EFR3B: variants seen among roughly 807,000 people sequenced by gnomAD.
EFR3B encodes the protein protein EFR3 homolog B.
EFR3B carries 64 observed loss-of-function variants against 104.7 expected under a neutral mutation model. The ratio of observed to expected loss-of-function variants is 0.61; its 90% CI spans 0.50 to 0.75. The LOEUF (loss-of-function observed/expected upper bound fraction) is 0.75, where lower values mean the gene tolerates loss of function less well. Among genes scored for constraint, EFR3B ranks in the 30% least tolerant of loss-of-function variants. The pLI, the probability that EFR3B is intolerant of heterozygous loss-of-function variation, is 0.00. For synonymous variants in EFR3B, 385 were observed against 417.9 expected, an observed-to-expected ratio of 0.92 and a Z score of 0.96; for missense variants, 750 against 1,078.5, an observed-to-expected ratio of 0.70 and a Z score of 4.27.
chr2:25,144,552 A>C (rs28493370), intron 18 of EFR3B, among the ~76,000 whole-genome samples: 2 of 152,238 alleles, frequency 1.3e-5, no homozygotes, highest in East Asian at 1.9e-4. Context: ...TAAAAAAAAA[A>C]CAAAAAAACA....
chr2:25,072,976 T>C (rs1354617069), intron 1 of EFR3B, among the ~76,000 whole-genome samples: 2 of 152,232 alleles, frequency 1.3e-5, no homozygotes, highest in African/African-American at 4.8e-5. Flanking sequence ...GTCTGCACAC[T>C]CTTTCCAGCA....
At chr2:25,146,526 T>G (rs917963312) in intron 19 of EFR3B, 2 of 152,170 alleles carry the variant, frequency 1.3e-5, no homozygotes. Context: ...TCGGGGTGAG[T>G]TGGCTGCTCT....
intron 1 of EFR3B, among the ~76,000 whole-genome samples, chr2:25,059,113 GA>G (rs1208605145): frequency 9.0e-5 from 13 of 144,960 alleles, no homozygotes; most frequent in East Asian, 2.2e-4. Flanking sequence ...ATTCAGTGTT[GA>G]TTTTTTTTTT....
Position 25,158,916 on chromosome 2 carries a change from G to A in EFR3B, c.*4576G>A, listed in dbSNP as rs745623479. 1 of 152,210 alleles carries A rather than the reference G, an allele frequency of 6.6e-6. No homozygotes were observed. The highest frequency in any genetic ancestry group is 1.5e-5 in the Non-Finnish European group (1 of 68,054). 9.4% of individuals were successfully genotyped at this position (152,210 alleles called of 1,614,324 possible). A position where few individuals can be genotyped will look rare whatever the true frequency, so the allele number is the denominator to read the frequency against. On this transcript the variant is annotated 3_prime_UTR_variant, in exon 23 of 23. Transcript: ENST00000403714. Reference sequence around the variant, plus strand: ...TGACAATATGTGTATATAATAGCTGGTGTATTTATATGTGAGTGCAGAATT... The same window carrying A: ...TGACAATATGTGTATATAATAGCTGATGTATTTATATGTGAGTGCAGAATT...
rs1392970077 is a variant in EFR3B, at chr2:25,131,794, C to T, written c.1030C>T (p.Arg344Trp). The T allele has an allele frequency of 2.6e-6, 4 of 1,545,762 alleles. No homozygotes were observed. Among genetic ancestry groups the T allele is most frequent in the Non-Finnish European group, 3.5e-6 (4 of 1,144,596 alleles). ...GTTCAACACGCTGCTGAGGCAGCTG[C>T]GGCTCAGCATCGACTACGCGCTGAC... Reference protein sequence around the residue: ...EMFNTLLRQLRLSIDYALTGS... With the variant: ...EMFNTLLRQLWLSIDYALTGS... Residue 344 changes from arginine to tryptophan, a missense_variant, in exon 10 of 23, where the codon CGG becomes TGG. Transcript: ENST00000403714. The surrounding 1 kb of genome is among the most constrained non-coding windows in gnomAD (Gnocchi z 7.6).
chr2:25,154,265 T>C lies in EFR3B; in HGVS notation c.2379T>C (p.Thr793=), dbSNP rs1198772244. 12 of 1,551,786 alleles carry C rather than the reference T, an allele frequency of 7.7e-6. No individual in the cohort carries two copies. Among genetic ancestry groups the C allele is most frequent in the Admixed American group, 5.9e-5 (3 of 50,986 alleles). ...CACCAAGCCCATCAGGAACCATCAC[T>C]GCAGCCTACGGTCAGCCGCAGAACC... ...RPPPSPSGTI[T]AAYGQPQNHS... Residue 793 remains threonine, a synonymous_variant, in exon 23 of 23, where the codon ACT becomes ACC. Transcript: ENST00000403714. This position sits in a 1 kb window ranked among gnomAD's most constrained non-coding sequence, Gnocchi z 4.1.
chr2:25,139,797 T>A (rs1670614150), intron 16 of EFR3B, among the ~76,000 whole-genome samples: 1 of 152,212 alleles, frequency 6.6e-6, no homozygotes, highest in South Asian at 2.1e-4. Flanking sequence ...ATCCTGTCCT[T>A]TCACTCTATG....
chr2:25,070,584 T>G (rs566799329), intron 1 of EFR3B, among the ~76,000 whole-genome samples: 26 of 152,270 alleles, frequency 1.7e-4, no homozygotes, highest in Non-Finnish European at 3.5e-4. Flanking sequence ...ATTTTAAAAT[T>G]CAAATCTGGA....
chr2:25,149,660 G>T (rs1670947545), intron 19 of EFR3B, 34 bp from the exon 20 acceptor site: 1 of 1,549,964 alleles, frequency 6.5e-7, no homozygotes, highest in Non-Finnish European at 8.7e-7. Context: ...TCTGCCCCCT[G>T]CCTTTCTGAG....
rs944686095 is a variant in EFR3B, at chr2:25,114,586, T to G, written c.364-7087T>G. 6.6e-6 allele frequency among the ~76,000 whole-genome samples: 1 copy of G among 152,120 alleles called. No individual in the cohort carries two copies. The highest frequency in any genetic ancestry group is 2.4e-5 in the African/African-American group (1 of 41,458). ...CCCGAGCCTCAAGTCTGCAACCTCCTAGGCAGTCCTGGGCCCCAGAGGGCA... is the reference window on the plus strand; with the variant it reads ...CCCGAGCCTCAAGTCTGCAACCTCCGAGGCAGTCCTGGGCCCCAGAGGGCA... On this transcript the variant is annotated intron_variant, in intron 4 of 22. Coordinates refer to ENST00000403714, the MANE Select transcript of EFR3B (RefSeq NM_014971.2). This position sits in a 1 kb window ranked among gnomAD's most constrained non-coding sequence, Gnocchi z 4.0.
rs1360447735 is a variant in EFR3B, at chr2:25,139,040, C to T, written c.1723-19C>T. 6.4e-7 allele frequency: 1 copy of T among 1,551,474 alleles called. No individual in the cohort carries two copies. The highest frequency in any genetic ancestry group is 8.7e-7 in the Non-Finnish European group (1 of 1,146,870). Reference sequence around the variant, plus strand: ...TCTGTCAGTGAAAAACTCCGGAGGCCTTGTCTATGTTGCCGCAGGACGTGG... The same window carrying T: ...TCTGTCAGTGAAAAACTCCGGAGGCTTTGTCTATGTTGCCGCAGGACGTGG... On this transcript the variant is annotated intron_variant, in intron 15 of 22. Coordinates refer to ENST00000403714, the MANE Select transcript of EFR3B (RefSeq NM_014971.2).
rs1361551325 is a variant in EFR3B, at chr2:25,121,705, C to T, written c.396C>T (p.Thr132=). ...FVKFANIEED[T]PSYHRSYDFF... Reference sequence around the variant, plus strand: ...AGTTTGCCAACATCGAGGAGGACACCCCGTCCTATCACCGGAGCTATGACT... The same window carrying T: ...AGTTTGCCAACATCGAGGAGGACACTCCGTCCTATCACCGGAGCTATGACT... Residue 132 remains threonine, a synonymous_variant, in exon 5 of 23, where the codon ACC becomes ACT. Coordinates refer to ENST00000403714, the MANE Select transcript of EFR3B (RefSeq NM_014971.2). The T allele has an allele frequency of 1.3e-6, 2 of 1,551,652 alleles. No individual in the cohort carries two copies. Among genetic ancestry groups the T allele is most frequent in the South Asian group, 2.4e-5 (2 of 84,054 alleles).
chr2:25,148,242 G>A (rs991146046), intron 19 of EFR3B, among the ~76,000 whole-genome samples: 42 of 151,160 alleles, frequency 2.8e-4, no homozygotes, highest in Non-Finnish European at 4.0e-4. Flanking sequence ...AGCCGGGGAG[G>A]GCCGGTCACT....
At chr2:25,113,458 G>A (rs986669480) in intron 4 of EFR3B, among the ~76,000 whole-genome samples, 5 of 152,084 alleles carry the variant, frequency 3.3e-5, no homozygotes, top group Non-Finnish European at 5.9e-5. Context: ...CTTGTGGTCA[G>A]CAGATCGAGA....
rs114006823 is a variant in EFR3B, at chr2:25,123,020, G to C, written c.485+1226G>C. ...ATACTCCAATTTATAAAAACACTTA[G>C]CTCACAGAAGCATACTTGGACATAG... On this transcript the variant is annotated intron_variant, in intron 5 of 22. Transcript: ENST00000403714. Among the ~76,000 whole-genome samples, 1,066 of 152,198 alleles carry C rather than the reference G, an allele frequency of 7.0e-3. 18 individuals carry two copies. Among genetic ancestry groups the C allele is most frequent in the African/African-American group, 0.025 (1,030 of 41,524 alleles).
chr2:25,057,417 A>C (rs1036505872), intron 1 of EFR3B, among the ~76,000 whole-genome samples: 1 of 152,114 alleles, frequency 6.6e-6, no homozygotes, highest in Non-Finnish European at 1.5e-5. Flanking sequence ...GCTAACAAAA[A>C]AAAAAACAAA....
chr2:25,093,227 G>A (rs1441369634), intron 3 of EFR3B, 97 bp downstream of exon 3: 2 of 1,450,414 alleles, frequency 1.4e-6, no homozygotes, highest in South Asian at 1.4e-5. Context: ...AGGCAGAGTG[G>A]CTCACGCCTG....
At position 25,154,412 on chromosome 2, in the gene EFR3B, A is replaced by G; in HGVS notation, c.*72A>G. 2 of 1,333,030 alleles carry G rather than the reference A, an allele frequency of 1.5e-6. No individual in the cohort carries two copies. The highest frequency in any genetic ancestry group is 1.5e-5 in the African/African-American group (1 of 68,146). The allele number at this position is 1,333,030 out of a possible 1,614,324, so 82.6% of individuals were successfully genotyped here. A position where few individuals can be genotyped will look rare whatever the true frequency, so the allele number is the denominator to read the frequency against. On this transcript the variant is annotated 3_prime_UTR_variant, in exon 23 of 23. Coordinates refer to ENST00000403714, the MANE Select transcript of EFR3B (RefSeq NM_014971.2). The surrounding 1 kb of genome is among the most constrained non-coding windows in gnomAD (Gnocchi z 4.1). The stretch of plus-strand genomic sequence containing the variant: ...CTCACCTCACGCCCACCCCGACCAC[A>G]TGGAGATCTGGCTGTGATCTCTGAG...
rs565617171 is a variant in EFR3B, at chr2:25,114,327, G to A, written c.364-7346G>A. On this transcript the variant is annotated intron_variant, in intron 4 of 22. Coordinates refer to ENST00000403714, the MANE Select transcript of EFR3B (RefSeq NM_014971.2). This position sits in a 1 kb window ranked among gnomAD's most constrained non-coding sequence, Gnocchi z 4.0. ...GACCTAGCTGGGCTGCTGCGACTGC[G>A]CTTTCATACTTCCAGCCTCAGGGAA... Among the ~76,000 whole-genome samples, 201 of 152,238 alleles carry A rather than the reference G, an allele frequency of 1.3e-3. 4 individuals are homozygous for A. The Middle Eastern group carries it at 0.058, about 44-fold the overall frequency.
Sources: allele counts gnomAD v4.1 joint callset (sites outside exome capture counted in the v4.1 genomes callset), GRCh38; gene constraint gnomAD v4.1.1; non-coding constraint Gnocchi (gnomAD v3.1); transcripts MANE v1.5; gene names NCBI Gene and HGNC (gene_info 2026-07-23, HGNC 2026-07-21).